Variants in ROR1 observed in about 807,000 individuals in gnomAD.
The protein encoded by ROR1 is inactive tyrosine-protein kinase transmembrane receptor ROR1.
Under a neutral mutation model 78.8 loss-of-function variants are expected in ROR1, and 19 were observed. The ratio of observed to expected loss-of-function variants is 0.24; its 90% CI spans 0.17 to 0.35. The LOEUF is 0.35. Among genes scored for constraint, ROR1 ranks in the 10% least tolerant of loss-of-function variants. ROR1 has a pLI of 1.00. For synonymous variants in ROR1, 386 were observed against 433.6 expected (o/e 0.89, Z 1.36); for missense variants, 917 against 1,177.8 (o/e 0.78, Z 3.24).
chr1:63,902,050 C>T (rs1487890291), intron 1 of ROR1, among the ~76,000 whole-genome samples: 1 of 152,088 alleles, frequency 6.6e-6, no homozygotes, highest in Admixed American at 6.6e-5. Flanking sequence ...TTGAAACATC[C>T]AAACCATGAT....
intron 1 of ROR1, among the ~76,000 whole-genome samples, chr1:63,879,244 G>A (rs894161646): frequency 6.6e-6 from 1 of 152,090 alleles, no homozygotes; most frequent in Non-Finnish European, 1.5e-5. Flanking sequence ...ACTTTTTCCT[G>A]GCACTAAATT....
At chr1:63,848,727 C>T (rs1370904485) in intron 1 of ROR1, among the ~76,000 whole-genome samples, 1 of 152,076 alleles carries the variant, frequency 6.6e-6, no homozygotes, top group Non-Finnish European at 1.5e-5. Flanking sequence ...GCAAAAACGT[C>T]TGGTAGTGGA....
At chr1:63,792,898 A>T (rs868187540) in intron 1 of ROR1, among the ~76,000 whole-genome samples, 4 of 152,226 alleles carry the variant, frequency 2.6e-5, no homozygotes, top group African/African-American at 7.2e-5. Context: ...GGACTGTGAG[A>T]TAAAGTTGGT....
intron 1 of ROR1, among the ~76,000 whole-genome samples, chr1:63,983,866 C>T (rs1646230589): frequency 6.6e-6 from 1 of 152,110 alleles, no homozygotes; most frequent in African/African-American, 2.4e-5. Flanking sequence ...TCCTTATCTA[C>T]TAAATAATGC....
At chr1:63,902,164 A>T (rs970802611) in intron 1 of ROR1, among the ~76,000 whole-genome samples, 1 of 152,188 alleles carries the variant, frequency 6.6e-6, no homozygotes, top group Non-Finnish European at 1.5e-5. Context: ...AGCTTTAAAA[A>T]ATTCTTTGTT....
chr1:64,059,011 G>C (rs1646895970), intron 4 of ROR1, among the ~76,000 whole-genome samples: 1 of 152,010 alleles, frequency 6.6e-6, no homozygotes, highest in Non-Finnish European at 1.5e-5. Context: ...CTTGTTATAG[G>C]TCTATTTAAA....
chr1:64,096,764 A>C (rs1647315113), intron 4 of ROR1, among the ~76,000 whole-genome samples: 1 of 152,150 alleles, frequency 6.6e-6, no homozygotes, highest in African/African-American at 2.4e-5. Context: ...ATACCTAGTA[A>C]TGGAATTGCT....
At chr1:63,829,091 A>G (rs1429313448) in intron 1 of ROR1, among the ~76,000 whole-genome samples, 1 of 152,200 alleles carries the variant, frequency 6.6e-6, no homozygotes, top group Non-Finnish European at 1.5e-5. Context: ...TTATTGCTGT[A>G]TACCTAGTGC....
At chr1:64,001,389 T>C (rs985156241) in intron 1 of ROR1, among the ~76,000 whole-genome samples, 1 of 152,188 alleles carries the variant, frequency 6.6e-6, no homozygotes, top group African/African-American at 2.4e-5. Context: ...ACACAGGAAA[T>C]CTTTGTGGTG....
chr1:63,931,913 G>T (rs1483124427), intron 1 of ROR1, among the ~76,000 whole-genome samples: 1 of 152,124 alleles, frequency 6.6e-6, no homozygotes, highest in Non-Finnish European at 1.5e-5. Flanking sequence ...AGGTATGTGT[G>T]TATAGGGGAA....
At chr1:64,167,559 G>A (rs1026700243) in intron 8 of ROR1, among the ~76,000 whole-genome samples, 4 of 152,172 alleles carry the variant, frequency 2.6e-5, no homozygotes, top group African/African-American at 7.2e-5. Flanking sequence ...CTTTTAAAAT[G>A]TAATCATTTC....
At chr1:63,929,673 A>G (rs1010562584) in intron 1 of ROR1, among the ~76,000 whole-genome samples, 2 of 152,198 alleles carry the variant, frequency 1.3e-5, no homozygotes, top group African/African-American at 4.8e-5. Context: ...AATAGCTAAC[A>G]CTGAGTACCT....
intron 1 of ROR1, among the ~76,000 whole-genome samples, chr1:63,856,680 G>A (rs766340013): frequency 5.9e-5 from 9 of 152,152 alleles, no homozygotes; most frequent in Non-Finnish European, 1.3e-4. Flanking sequence ...TAAGCTGGAG[G>A]ACTCGTAGGA....
chr1:63,976,294 G>T (rs985926068), intron 1 of ROR1, among the ~76,000 whole-genome samples: 4 of 152,174 alleles, frequency 2.6e-5, no homozygotes, highest in African/African-American at 7.2e-5. Flanking sequence ...GGAAAGGATT[G>T]CATTTAGGCT....
At chr1:64,136,846 A>T (rs1484394526) in intron 4 of ROR1, among the ~76,000 whole-genome samples, 1 of 152,068 alleles carries the variant, frequency 6.6e-6, no homozygotes, top group African/African-American at 2.4e-5. Context: ...GGCAGGGTAG[A>T]GATAATGGAG....
chr1:63,789,263 G>T, intron 1 of ROR1: 1 of 568,210 alleles, frequency 1.8e-6, no homozygotes, highest in South Asian at 1.5e-5. Flanking sequence ...CACAGGGGAG[G>T]ACCCTAGAGG....
intron 1 of ROR1, among the ~76,000 whole-genome samples, chr1:63,933,101 A>G (rs551153480): frequency 2.0e-5 from 3 of 152,150 alleles, no homozygotes; most frequent in Admixed American, 2.0e-4. Context: ...CCTCTTTTTA[A>G]TTTTCCCTAA....
At chr1:63,921,956 G>T (rs898074338) in intron 1 of ROR1, among the ~76,000 whole-genome samples, 1 of 152,184 alleles carries the variant, frequency 6.6e-6, no homozygotes, top group Admixed American at 6.5e-5. Flanking sequence ...GCAGGAAAGA[G>T]GGGGTATCTC....
At chr1:63,944,963 T>TA (rs964470547) in intron 1 of ROR1, among the ~76,000 whole-genome samples, 5 of 152,180 alleles carry the variant, frequency 3.3e-5, no homozygotes, top group African/African-American at 7.2e-5. Context: ...GGGGAAGTGT[T>TA]AAAAAAATAC....
Sources: allele counts gnomAD v4.1 joint callset (sites outside exome capture counted in the v4.1 genomes callset), GRCh38; gene constraint gnomAD v4.1.1; transcripts MANE v1.5; gene names NCBI Gene and HGNC (gene_info 2026-07-23, HGNC 2026-07-21).